The following EIF2AK4 variants were observed in gnomAD, a reference collection of about 807,000 sequenced individuals.
EIF2AK4 encodes the protein eukaryotic translation initiation factor 2 alpha kinase 4.
Under a neutral mutation model 211.1 loss-of-function variants are expected in EIF2AK4, and 139 were observed. That is an observed-to-expected ratio of 0.66 (90% CI 0.57 to 0.76). The LOEUF is 0.76. Among genes scored for constraint, EIF2AK4 ranks in the 30% least tolerant of loss-of-function variants. The probability of loss-of-function intolerance (pLI) is 0.00; values close to 1 mark genes in which losing one functional copy is unlikely to be tolerated. For synonymous variants in EIF2AK4, 710 were observed against 751.3 expected (o/e 0.94, Z 0.90); for missense variants, 1,664 against 2,043.8 (o/e 0.81, Z 3.58).
chr15:39,988,630 CA>C (rs2034899489), intron 15 of EIF2AK4, among the ~76,000 whole-genome samples: 1 of 152,088 alleles, frequency 6.6e-6, no homozygotes, highest in Admixed American at 6.5e-5. Context: ...TGGCCCTTTA[CA>C]GAAAAAATTT....
At chr15:39,955,588 A>G in intron 5 of EIF2AK4, 32 bp from the exon 6 acceptor site, 8 of 1,586,830 alleles carry the variant, frequency 5.0e-6, no homozygotes, top group Non-Finnish European at 6.8e-6. Context: ...TATGACTTAC[A>G]TCTAAAGTAA....
In EIF2AK4 at chr15:39,973,736, G is replaced by T; in HGVS notation, c.1805G>T (p.Gly602Val). The T allele has an allele frequency of 6.2e-7, 1 of 1,614,118 alleles. No individual in the cohort carries two copies. The change falls in exon 11 of 39, where the codon GGA becomes GTA. Residue 602 changes from glycine (G) to valine (V), a missense_variant. Gly to Val is a moderately radical substitution (Grantham distance 109). Coordinates refer to ENST00000263791, the MANE Select transcript of EIF2AK4 (RefSeq NM_001013703.4). Reference sequence around the variant, plus strand: ...CAACTTCTTGGTAAAGGAGCTTTTGGAGCTGTCATCAAGGTGTGGTACAGA... The same window carrying T: ...CAACTTCTTGGTAAAGGAGCTTTTGTAGCTGTCATCAAGGTGTGGTACAGA... ...ELQLLGKGAF[G>V]AVIKVQNKLD...
intron 18 of EIF2AK4, among the ~76,000 whole-genome samples, chr15:39,993,831 C>T (rs1398949001): frequency 6.6e-6 from 1 of 152,192 alleles, no homozygotes. Flanking sequence ...CCTGGTAAGG[C>T]GGTTGGCAGC....
At chr15:40,029,212 T>C (rs993301472) in intron 33 of EIF2AK4, 194 bp from the exon 34 acceptor site, 1 of 659,048 alleles carries the variant, frequency 1.5e-6, no homozygotes, top group South Asian at 6.8e-5. Context: ...AGACATCCTT[T>C]ATAATTTTTA....
In EIF2AK4 at chr15:40,016,415, C is replaced by G. The variant is rs529860733; in HGVS notation, c.3760-87C>G. The G allele has an allele frequency of 5.4e-5, 81 of 1,505,708 alleles. 1 individual carries two copies. The South Asian group carries it at 6.1e-4, about 11-fold the overall frequency. 93.3% of individuals were successfully genotyped at this position (1,505,708 alleles called of 1,614,324 possible). The stretch of plus-strand genomic sequence containing the variant: ...AGATAATCGTAGCATCCCATGTGCT[C>G]CTGCTCCTGCAGGTGCACACAGTCG... On this transcript the variant is annotated intron_variant, in intron 27 of 38. Transcript: ENST00000263791.
At chr15:39,973,928 C>T (rs1200854486) in intron 11 of EIF2AK4, 179 bp downstream of exon 11, 6 of 597,200 alleles carry the variant, frequency 1.0e-5, no homozygotes, top group East Asian at 3.1e-5. Flanking sequence ...ACGCTGGACA[C>T]AGTTGAGAAT....
chr15:40,033,053 C>T (rs1244950702), intron 37 of EIF2AK4, among the ~76,000 whole-genome samples: 1 of 152,156 alleles, frequency 6.6e-6, no homozygotes, highest in African/African-American at 2.4e-5. Context: ...CAAAAAAACA[C>T]ATATACTGCT....
chr15:40,016,378 C>CT lies in EIF2AK4; in HGVS notation c.3760-121dup, dbSNP rs1185699472. On this transcript the variant is annotated intron_variant, in intron 27 of 38. Transcript: ENST00000263791. Reference sequence around the variant, plus strand: ...GGATTGTGGCAAAGCCTAAAATAATCTTTGACCACAAAGATAATCGTAGCA... The same window carrying CT: ...GGATTGTGGCAAAGCCTAAAATAATCTTTTGACCACAAAGATAATCGTAGCA... 4.8e-5 allele frequency: 58 copies of CT among 1,220,840 alleles called. 1 individual carries two copies. In the East Asian group the frequency reaches 6.6e-4, roughly 14 times the overall value. 75.6% of individuals were successfully genotyped at this position (1,220,840 alleles called of 1,614,324 possible).
intron 32 of EIF2AK4, among the ~76,000 whole-genome samples, chr15:40,024,381 A>ACAGTCACT (rs1183452111): frequency 7.0e-6 from 1 of 142,558 alleles, no homozygotes; most frequent in African/African-American, 2.6e-5. Context: ...TTTCTTATAC[A>ACAGTCACT]CAGTCACTAG....
chr15:39,984,541 G>A (rs1016461558), intron 13 of EIF2AK4, among the ~76,000 whole-genome samples: 6 of 152,118 alleles, frequency 3.9e-5, no homozygotes, highest in Non-Finnish European at 7.4e-5. Context: ...GCAGTGGTTT[G>A]TAGTTCTCCT....
chr15:40,029,328 C>T, intron 33 of EIF2AK4, 78 bp from the exon 34 acceptor site: 1 of 1,559,214 alleles, frequency 6.4e-7, no homozygotes, highest in Non-Finnish European at 8.6e-7. Flanking sequence ...GCTCACTATA[C>T]ATGTAGTTCA....
intron 1 of EIF2AK4, among the ~76,000 whole-genome samples, chr15:39,936,661 C>T (rs535859634): frequency 9.2e-5 from 14 of 152,220 alleles, no homozygotes; most frequent in South Asian, 6.2e-4. Context: ...CCTCCCGCCT[C>T]GCCTCCCAAA....
intron 8 of EIF2AK4, among the ~76,000 whole-genome samples, 189 bp downstream of exon 8, chr15:39,966,032 C>G (rs1394758973): frequency 6.6e-6 from 1 of 152,200 alleles, no homozygotes; most frequent in Non-Finnish European, 1.5e-5. Context: ...AGAACTTTCA[C>G]AACATGATCA....
rs1016109133 is a variant in EIF2AK4 at position 39,946,659 on chromosome 15, C to T, written c.361-2457C>T. 15 of 700,394 alleles carry T rather than the reference C, an allele frequency of 2.1e-5. No homozygotes were observed. The African/African-American group carries it at 2.3e-4, about 11-fold the overall frequency. 43.4% of individuals were successfully genotyped at this position (700,394 alleles called of 1,614,324 possible). The stretch of plus-strand genomic sequence containing the variant: ...GTGTGACTCAAAGGCTATCAAACAG[C>T]ATTGAATGCTACAGAGAAATCTTCC... On this transcript the variant is annotated intron_variant, in intron 3 of 38. Coordinates refer to ENST00000263791, the MANE Select transcript of EIF2AK4 (RefSeq NM_001013703.4).
At chr15:40,011,126 A>G (rs1010383810) in intron 26 of EIF2AK4, among the ~76,000 whole-genome samples, 155 bp from the exon 27 acceptor site, 7 of 152,196 alleles carry the variant, frequency 4.6e-5, no homozygotes, top group African/African-American at 1.7e-4. Flanking sequence ...AATTGGGAGA[A>G]AAAATTTTTT....
intron 32 of EIF2AK4, among the ~76,000 whole-genome samples, chr15:40,023,661 C>CT: frequency 6.6e-6 from 1 of 152,186 alleles, no homozygotes; most frequent in Non-Finnish European, 1.5e-5. Flanking sequence ...TGTCCTCCCT[C>CT]TTTTTTGTCT....
chr15:39,953,078 C>T (rs1051839717), intron 4 of EIF2AK4, among the ~76,000 whole-genome samples: 1 of 152,108 alleles, frequency 6.6e-6, no homozygotes. Flanking sequence ...AAACTCCTGA[C>T]CTTGTGATCC....
In EIF2AK4 at chr15:39,934,262, C is replaced by T. The variant is rs749915180; in HGVS notation, c.67C>T (p.Gln23Ter). ...GCCTCCGGAGAGCTACCCGCAACGA[C>T]AGGACCACGAGCTACAGGCCCTGGA... ...DEPPESYPQR[Q>*]DHELQALEAI... The change falls in exon 1 of 39, where the codon CAG becomes TAG. Residue 23 changes from glutamine to a stop codon, truncating the protein, a stop_gained. Coordinates refer to ENST00000263791, the MANE Select transcript of EIF2AK4 (RefSeq NM_001013703.4). LOFTEE classifies it high-confidence loss of function. The T allele has an allele frequency of 1.2e-6, 2 of 1,611,010 alleles. No homozygotes were observed. Among genetic ancestry groups the T allele is most frequent in the Admixed American group, 1.7e-5 (1 of 59,772 alleles).
chr15:39,944,432 CTTT>C (rs55669603), intron 3 of EIF2AK4, among the ~76,000 whole-genome samples: 5 of 121,184 alleles, frequency 4.1e-5, no homozygotes, highest in African/African-American at 1.0e-4. Flanking sequence ...TTAACGATCT[CTTT>C]TTTTTTTTTT....
Sources: gnomAD v4.1 joint callset for allele counts (sites outside exome capture counted in the v4.1 genomes callset) on GRCh38, gnomAD v4.1.1 for gene constraint, MANE v1.5 for transcripts, NCBI Gene and HGNC (gene_info 2026-07-23, HGNC 2026-07-21) for gene names.